AGMO: variants seen among roughly 807,000 people sequenced by gnomAD.
The protein encoded by AGMO is alkylglycerol monooxygenase.
In AGMO, 75 loss-of-function variants were observed where a neutral mutation model predicts 60.2. The observed-to-expected ratio is 1.25, with a 90% CI of 1.03 to 1.51. The LOEUF (loss-of-function observed/expected upper bound fraction) is 1.51. Ranked by LOEUF, AGMO falls within the 40% of genes most tolerant of loss-of-function variation. The pLI is 0.00. For synonymous variants in AGMO, 261 were observed against 177.1 expected, an observed-to-expected ratio of 1.47 and a Z score of -3.76; for missense variants, 763 against 525.5, an observed-to-expected ratio of 1.45 and a Z score of -4.42.
intron 12 of AGMO, among the ~76,000 whole-genome samples, chr7:15,350,133 T>C (rs141044425): frequency 0.011 from 1,627 of 152,270 alleles, 35 homozygotes; most frequent in African/African-American, 0.038. Context: ...TTCTGGAACC[T>C]GGGTCCAGTT....
intron 3 of AGMO, among the ~76,000 whole-genome samples, chr7:15,516,223 C>G (rs894162344): frequency 1.3e-5 from 2 of 151,926 alleles, no homozygotes; most frequent in African/African-American, 4.8e-5. Context: ...AAAGATTGCT[C>G]ATACTTAAAA....
downstream of AGMO, among the ~76,000 whole-genome samples, chr7:15,195,751 C>T (rs1449118557): frequency 6.6e-6 from 1 of 152,136 alleles, no homozygotes; most frequent in Admixed American, 6.6e-5. Flanking sequence ...TTAGGAGCTG[C>T]TTTTCTTTAA....
At chr7:15,543,850 G>A (rs1368259355) in intron 3 of AGMO, among the ~76,000 whole-genome samples, 1 of 151,262 alleles carries the variant, frequency 6.6e-6, no homozygotes, top group East Asian at 2.0e-4. Flanking sequence ...TCAAATGGTG[G>A]ATCTACTTTT....
At chr7:15,384,511 T>C (rs1047905499) in intron 10 of AGMO, among the ~76,000 whole-genome samples, 5 of 152,172 alleles carry the variant, frequency 3.3e-5, no homozygotes, top group African/African-American at 1.2e-4. Flanking sequence ...TTAAGTGTCC[T>C]ATACACCTTA....
chr7:15,393,240 G>T (rs575510540), intron 6 of AGMO, among the ~76,000 whole-genome samples: 1 of 152,314 alleles, frequency 6.6e-6, no homozygotes, highest in East Asian at 1.9e-4. Context: ...CATAAAGATA[G>T]GGACCTGCCC....
chr7:15,379,587 G>A (rs942246344), intron 10 of AGMO, among the ~76,000 whole-genome samples: 1 of 151,996 alleles, frequency 6.6e-6, no homozygotes, highest in African/African-American at 2.4e-5. Flanking sequence ...ACAATAGTGA[G>A]CTCTAAAATT....
chr7:15,434,606 C>T lies in AGMO; in HGVS notation c.410-3498G>A, dbSNP rs773854453. Among the ~76,000 whole-genome samples, 35 of 152,104 alleles carry T rather than the reference C, an allele frequency of 2.3e-4. 1 individual carries two copies. The highest frequency in any genetic ancestry group is 3.5e-4 in the Non-Finnish European group (24 of 68,000). Reference sequence around the variant, plus strand: ...TCCAAGCCTCATGAAGAACTGAATTCTGCCAACAACCATGTAAGAGAGTTT... The same window carrying T: ...TCCAAGCCTCATGAAGAACTGAATTTTGCCAACAACCATGTAAGAGAGTTT... On this transcript the variant is annotated intron_variant, in intron 3 of 12. Transcript: ENST00000342526.
chr7:15,163,364 AAG>A, the AGMO span, among the ~76,000 whole-genome samples: 1 of 152,120 alleles, frequency 6.6e-6, no homozygotes, highest in Non-Finnish European at 1.5e-5. Flanking sequence ...TATGTTCAGT[AAG>A]AGTGGTGAGA....
intron 3 of AGMO, among the ~76,000 whole-genome samples, chr7:15,513,921 G>T (rs1783743017): frequency 6.6e-6 from 1 of 152,090 alleles, no homozygotes; most frequent in Non-Finnish European, 1.5e-5. Flanking sequence ...AGTCTAATTT[G>T]CTGGTTCCTC....
chr7:15,137,745 C>T, the AGMO span, among the ~76,000 whole-genome samples: 74,482 of 151,858 alleles, frequency 0.49, 18,466 homozygotes, highest in East Asian at 0.66. Context: ...AGCCCCAGAA[C>T]AAATGTCACC....
At chr7:15,528,232 T>C (rs978682900) in intron 3 of AGMO, among the ~76,000 whole-genome samples, 1 of 152,146 alleles carries the variant, frequency 6.6e-6, no homozygotes. Context: ...AAAGTATATA[T>C]ATATTGTTTT....
At chr7:15,353,396 T>A (rs1782333262) in intron 12 of AGMO, among the ~76,000 whole-genome samples, 1 of 152,148 alleles carries the variant, frequency 6.6e-6, no homozygotes, top group Non-Finnish European at 1.5e-5. Context: ...GTATTCATGT[T>A]ATAACTCACT....
At chr7:15,476,139 A>G (rs1782588066) in intron 3 of AGMO, among the ~76,000 whole-genome samples, 1 of 152,098 alleles carries the variant, frequency 6.6e-6, no homozygotes, top group South Asian at 2.1e-4. Context: ...ATATATTTTG[A>G]AGTAGAAATC....
At chr7:15,383,346 G>C (rs188836493) in intron 10 of AGMO, among the ~76,000 whole-genome samples, 1 of 152,006 alleles carries the variant, frequency 6.6e-6, no homozygotes, top group East Asian at 1.9e-4. Context: ...GTCTAAAGAA[G>C]CAATAGTCCC....
chr7:15,430,918 G>GTTGTT lies in AGMO; in HGVS notation c.513+86_513+87insAACAA. On this transcript the variant is annotated intron_variant, in intron 4 of 12. Transcript: ENST00000342526. ...CATTTTAGTAAAACACCTTCTATTA[G>GTTGTT]TTTTTTTTTTTTTTTGAGGAAATAG... The GTTGTT allele has an allele frequency of 7.6e-6, 3 of 394,274 alleles. 1 individual carries two copies. In the South Asian group the frequency reaches 2.1e-4, roughly 28 times the overall value. The allele number at this position is 394,274 out of a possible 1,614,324, so 24.4% of individuals were successfully genotyped here. A position where few individuals can be genotyped will look rare whatever the true frequency, so the allele number is the denominator to read the frequency against.
intron 12 of AGMO, among the ~76,000 whole-genome samples, chr7:15,328,345 C>T (rs1781407253): frequency 6.6e-6 from 1 of 152,122 alleles, no homozygotes; most frequent in Non-Finnish European, 1.5e-5. Context: ...GATGGGCCCA[C>T]CTCGGCCTCT....
intron 3 of AGMO, among the ~76,000 whole-genome samples, chr7:15,518,056 G>T (rs1459315145): frequency 6.6e-6 from 1 of 152,138 alleles, no homozygotes; most frequent in Non-Finnish European, 1.5e-5. Context: ...CAGGAATTTC[G>T]GACTGGGCGG....
the AGMO span, among the ~76,000 whole-genome samples, chr7:15,175,051 CA>C: frequency 6.6e-6 from 1 of 151,512 alleles, no homozygotes; most frequent in African/African-American, 2.4e-5. Flanking sequence ...TTTGCAATAA[CA>C]ACTACTGAAT....
chr7:15,538,335 T>C (rs1043506316), intron 3 of AGMO, among the ~76,000 whole-genome samples: 2 of 152,074 alleles, frequency 1.3e-5, no homozygotes, highest in African/African-American at 4.8e-5. Context: ...TGGGCTCAGG[T>C]GATCTTACTG....
Sources: gnomAD v4.1 joint callset for allele counts (sites outside exome capture counted in the v4.1 genomes callset) on GRCh38, gnomAD v4.1.1 for gene constraint, MANE v1.5 for transcripts, NCBI Gene and HGNC (gene_info 2026-07-23, HGNC 2026-07-21) for gene names.